The following STXBP5L variants were observed in gnomAD, a reference collection of about 807,000 sequenced individuals.
STXBP5L encodes the protein syntaxin binding protein 5L, also known as syntaxin-binding protein 5-like.
In STXBP5L, 65 loss-of-function variants were observed where a neutral mutation model predicts 144.5. The observed-to-expected ratio is 0.45, with a 90% CI of 0.37 to 0.55. The LOEUF (loss-of-function observed/expected upper bound fraction) is 0.55, where lower values mean the gene tolerates loss of function less well. STXBP5L is among the 20% of genes least tolerant of loss of function. The probability of loss-of-function intolerance (pLI) is 0.00; values close to 1 mark genes in which losing one functional copy is unlikely to be tolerated. For missense variants in STXBP5L, 1,298 were observed against 1,405.5 expected (o/e 0.92, Z 1.22); for synonymous variants, 505 against 469.6 (o/e 1.08, Z -0.97).
chr3:121,008,600 C>T (rs1478132029), intron 3 of STXBP5L, among the ~76,000 whole-genome samples: 1 of 151,956 alleles, frequency 6.6e-6, no homozygotes, highest in Non-Finnish European at 1.5e-5. Context: ...ACACTTAAAA[C>T]TATATAGTAT....
At chr3:121,004,551 C>T (rs1321014905) in intron 3 of STXBP5L, among the ~76,000 whole-genome samples, 1 of 151,758 alleles carries the variant, frequency 6.6e-6, no homozygotes, top group Non-Finnish European at 1.5e-5. Flanking sequence ...TTTCCTTCTC[C>T]TGCCTGATTG....
intron 19 of STXBP5L, among the ~76,000 whole-genome samples, chr3:121,287,021 T>G (rs1040831094): frequency 2.0e-5 from 3 of 152,110 alleles, no homozygotes; most frequent in Admixed American, 1.3e-4. Flanking sequence ...ATTTCAGAGA[T>G]CTACAGTGTT....
At chr3:121,368,327 T>C (rs2045927781) in intron 20 of STXBP5L, among the ~76,000 whole-genome samples, 1 of 152,154 alleles carries the variant, frequency 6.6e-6, no homozygotes, top group African/African-American at 2.4e-5. Context: ...TTCTGGTTTC[T>C]TTTTAGGTTT....
chr3:121,223,875 C>T (rs1029863526), intron 11 of STXBP5L, among the ~76,000 whole-genome samples: 3 of 151,848 alleles, frequency 2.0e-5, no homozygotes, highest in Admixed American at 6.6e-5. Flanking sequence ...GCAGGCAGAT[C>T]GTTTGAGTCC....
intron 19 of STXBP5L, among the ~76,000 whole-genome samples, chr3:121,313,516 G>A (rs1290555574): frequency 1.1e-4 from 1 of 9,236 alleles, no homozygotes; most frequent in African/African-American, 4.9e-4. Context: ...AGGGGCGGCC[G>A]GGCAGAGGAG....
intron 19 of STXBP5L, among the ~76,000 whole-genome samples, chr3:121,298,247 A>G (rs1402681405): frequency 6.6e-6 from 1 of 152,174 alleles, no homozygotes; most frequent in African/African-American, 2.4e-5. Flanking sequence ...CCTGATAATT[A>G]GTGATGTTGA....
rs1208465626 is a variant in STXBP5L at position 121,322,242 on chromosome 3, G to A, written c.2176+3702G>A. Among the ~76,000 whole-genome samples, 5 of 152,290 alleles carry A rather than the reference G, an allele frequency of 3.3e-5. No individual in the cohort carries two copies. In the East Asian group the frequency reaches 7.7e-4, roughly 23 times the overall value. Reference sequence around the variant, plus strand: ...GCCTGTAATCTCAGCACTTTGGGAGGCCGAGATGGGCGGATCACCTGAGGT... The same window carrying A: ...GCCTGTAATCTCAGCACTTTGGGAGACCGAGATGGGCGGATCACCTGAGGT... On this transcript the variant is annotated intron_variant, in intron 20 of 26. Transcript: ENST00000471454.
At chr3:121,050,246 CT>C (rs887020727) in intron 5 of STXBP5L, among the ~76,000 whole-genome samples, 3 of 151,188 alleles carry the variant, frequency 2.0e-5, no homozygotes, top group African/African-American at 4.8e-5. Context: ...TAAACTTAGT[CT>C]TTTTTTTTAA....
chr3:121,185,099 A>G (rs1487243746), intron 9 of STXBP5L, among the ~76,000 whole-genome samples: 1 of 152,232 alleles, frequency 6.6e-6, no homozygotes, highest in African/African-American at 2.4e-5. Flanking sequence ...TGGCCACTGC[A>G]AAAACATACC....
In STXBP5L at chr3:121,254,999, G is replaced by A; in HGVS notation, c.1546G>A (p.Ala516Thr). 1.2e-6 allele frequency: 2 copies of A among 1,613,602 alleles called. No individual in the cohort carries two copies. Among genetic ancestry groups the A allele is most frequent in the Non-Finnish European group, 1.7e-6 (2 of 1,179,718 alleles). The change falls in exon 16 of 27, where the codon GCC (alanine) becomes ACC (threonine). Residue 516 changes from alanine to threonine, a missense_variant. By Grantham distance (58) the Ala-to-Thr change is moderately conservative. Coordinates refer to ENST00000471454, the MANE Select transcript of STXBP5L (RefSeq NM_001308330.2). ...TCEIVEEDPFAIQMIYWCPES... is the reference protein window; with the variant it reads ...TCEIVEEDPFTIQMIYWCPES... The stretch of plus-strand genomic sequence containing the variant: ...TGAAATTGTAGAGGAAGACCCATTT[G>A]CCATTCAGATGATTTACTGGTGTCC...
At chr3:121,212,081 T>C (rs2048596386) in intron 10 of STXBP5L, among the ~76,000 whole-genome samples, 1 of 152,174 alleles carries the variant, frequency 6.6e-6, no homozygotes, top group African/African-American at 2.4e-5. Context: ...TTCTTGTAAA[T>C]TTGCTTACGT....
intron 20 of STXBP5L, among the ~76,000 whole-genome samples, chr3:121,376,105 T>G (rs1166260857): frequency 6.6e-6 from 1 of 152,226 alleles, no homozygotes; most frequent in East Asian, 1.9e-4. Context: ...ACTTTTGTTC[T>G]GAGTTTACTG....
chr3:120,932,353 AG>A (rs1709988422), intron 2 of STXBP5L, among the ~76,000 whole-genome samples: 1 of 152,194 alleles, frequency 6.6e-6, no homozygotes, highest in African/African-American at 2.4e-5. Flanking sequence ...ACTTTGAGAA[AG>A]TAATGCAGAT....
intron 17 of STXBP5L, among the ~76,000 whole-genome samples, chr3:121,258,510 A>G (rs2050282186): frequency 1.3e-5 from 2 of 152,212 alleles, no homozygotes; most frequent in Non-Finnish European, 2.9e-5. Flanking sequence ...ATCTACAAAG[A>G]GAAAACATCA....
Position 121,193,616 on chromosome 3 carries a change from T to C in STXBP5L, c.878-12307T>C, listed in dbSNP as rs968126227. Among the ~76,000 whole-genome samples, 4 of 152,272 alleles carry C rather than the reference T, an allele frequency of 2.6e-5. No individual in the cohort carries two copies. The East Asian group carries it at 7.7e-4, about 29-fold the overall frequency. ...GACTGGATTTAGAAAATGTGGCACA[T>C]ATACACCATGGAATACTATGCAGCC... On this transcript the variant is annotated intron_variant, in intron 9 of 26. Transcript: ENST00000471454.
At position 121,180,590 on chromosome 3, in the gene STXBP5L, C is replaced by G. The variant is rs549743683; in HGVS notation, c.877+22963C>G. Among the ~76,000 whole-genome samples, 92 of 152,280 alleles carry G rather than the reference C, an allele frequency of 6.0e-4. 1 individual carries two copies. The highest frequency in any genetic ancestry group is 5.2e-3 in the Admixed American group (80 of 15,286). On this transcript the variant is annotated intron_variant, in intron 9 of 26. Coordinates refer to ENST00000471454, the MANE Select transcript of STXBP5L (RefSeq NM_001308330.2). ...ACATAATGAATAGAACAGTACCTCA[C>G]CAGCTGGGCACAGTGGCTCAGGCCT...
intron 20 of STXBP5L, among the ~76,000 whole-genome samples, chr3:121,372,841 C>T (rs999030437): frequency 6.6e-6 from 1 of 152,048 alleles, no homozygotes; most frequent in Non-Finnish European, 1.5e-5. Context: ...ATTAATTAGA[C>T]TAATTGCAGA....
At chr3:120,980,085 A>G (rs1941589079) in intron 3 of STXBP5L, among the ~76,000 whole-genome samples, 1 of 152,144 alleles carries the variant, frequency 6.6e-6, no homozygotes, top group Non-Finnish European at 1.5e-5. Flanking sequence ...AGTCTGAAAA[A>G]AATACTTGAT....
At chr3:121,354,900 C>G (rs574982885) in intron 20 of STXBP5L, among the ~76,000 whole-genome samples, 2 of 152,260 alleles carry the variant, frequency 1.3e-5, no homozygotes, top group African/African-American at 2.4e-5. Context: ...GTGACAAAAT[C>G]TCTCAGCATT....
Sources: gnomAD v4.1 joint callset for allele counts (sites outside exome capture counted in the v4.1 genomes callset) on GRCh38, gnomAD v4.1.1 for gene constraint, MANE v1.5 for transcripts, NCBI Gene and HGNC (gene_info 2026-07-23, HGNC 2026-07-21) for gene names.